Variants in ARHGEF7 observed in about 807,000 individuals in gnomAD.
The protein encoded by ARHGEF7 is PAK-interacting exchange factor beta.
In ARHGEF7, 33 loss-of-function variants were observed where a neutral mutation model predicts 109.8. The ratio of observed to expected loss-of-function variants is 0.30; its 90% CI spans 0.23 to 0.40. ARHGEF7 has a LOEUF of 0.40. ARHGEF7 is among the 10% of genes least tolerant of loss of function. ARHGEF7 has a pLI of 1.00. For synonymous variants in ARHGEF7, 458 were observed against 424.6 expected (o/e 1.08, Z -0.97); for missense variants, 938 against 1,098.5 (o/e 0.85, Z 2.07).
intron 15 of ARHGEF7, among the ~76,000 whole-genome samples, chr13:111,281,364 G>A (rs994750478): frequency 1.3e-5 from 2 of 151,952 alleles, no homozygotes; most frequent in Non-Finnish European, 2.9e-5. Context: ...AATGAATGAC[G>A]ATGACACAGG....
rs1406623714 is a variant in ARHGEF7 at position 111,258,235 on chromosome 13, T to C, written c.951-9313T>C. ...TCCCACAACCACAGGCAGTGCAGCC[T>C]GCAGCTCCAGGAGAGACTCCTCCCA... On this transcript the variant is annotated intron_variant, in intron 8 of 21. Transcript: ENST00000646102. This position sits in a 1 kb window ranked among gnomAD's most constrained non-coding sequence, Gnocchi z 4.4. Among the ~76,000 whole-genome samples, 1 of 146,234 alleles carries C rather than the reference T, an allele frequency of 6.8e-6. No individual in the cohort carries two copies. Among genetic ancestry groups the C allele is most frequent in the African/African-American group, 2.6e-5 (1 of 38,412 alleles).
chr13:111,171,442 G>T (rs913431665), intron 2 of ARHGEF7, among the ~76,000 whole-genome samples: 6 of 152,154 alleles, frequency 3.9e-5, no homozygotes, highest in Admixed American at 3.3e-4. Context: ...AAAGTGAAAA[G>T]CATTAAAAAT....
At position 111,145,549 on chromosome 13, in the gene ARHGEF7, C is replaced by T. The variant is rs1457175913; in HGVS notation, c.166-8356C>T. ...GTGTTGGTAAATGTTAAACACCTGGCTGTCTGGGAGGGGTGGCCCTGGCGT... is the reference window on the plus strand; with the variant it reads ...GTGTTGGTAAATGTTAAACACCTGGTTGTCTGGGAGGGGTGGCCCTGGCGT... On this transcript the variant is annotated intron_variant, in intron 1 of 21. Transcript: ENST00000646102. This position sits in a 1 kb window ranked among gnomAD's most constrained non-coding sequence, Gnocchi z 4.3. Among the ~76,000 whole-genome samples, 1 of 152,298 alleles carries T rather than the reference C, an allele frequency of 6.6e-6. No homozygotes were observed. The highest frequency in any genetic ancestry group is 1.9e-4 in the East Asian group (1 of 5,190).
chr13:111,156,793 TAAG>T (rs1378883983), intron 2 of ARHGEF7, among the ~76,000 whole-genome samples: 1 of 152,250 alleles, frequency 6.6e-6, no homozygotes, highest in East Asian at 1.9e-4. Flanking sequence ...GGGAAATTGA[TAAG>T]AAATGTTTTG....
At chr13:111,181,646 G>A (rs1365940788) in intron 2 of ARHGEF7, among the ~76,000 whole-genome samples, 1 of 152,228 alleles carries the variant, frequency 6.6e-6, no homozygotes, top group Non-Finnish European at 1.5e-5. Context: ...CCCTGAGGGA[G>A]TATAGAGGTG....
At chr13:111,205,068 T>C (rs1183442187) in intron 2 of ARHGEF7, among the ~76,000 whole-genome samples, 1 of 151,640 alleles carries the variant, frequency 6.6e-6, no homozygotes, top group East Asian at 1.9e-4. Context: ...GGGTAGGGAA[T>C]TGGCCTAATG....
At chr13:111,179,319 G>A (rs1176593353) in intron 2 of ARHGEF7, among the ~76,000 whole-genome samples, 1 of 152,026 alleles carries the variant, frequency 6.6e-6, no homozygotes, top group Non-Finnish European at 1.5e-5. Flanking sequence ...CCTGACCTCA[G>A]GTGATCCTCC....
intron 1 of ARHGEF7, chr13:111,144,730 C>T (rs1594993446): frequency 6.6e-6 from 1 of 151,672 alleles, no homozygotes; most frequent in African/African-American, 2.4e-5. Flanking sequence ...CTATGAAGAC[C>T]CCAGCACGCT....
intron 5 of ARHGEF7, among the ~76,000 whole-genome samples, chr13:111,220,314 T>C (rs1380191178): frequency 6.6e-6 from 1 of 152,134 alleles, no homozygotes; most frequent in African/African-American, 2.4e-5. Context: ...ACCTTTGGAG[T>C]AGGGACAGAC....
chr13:111,125,980 G>A (rs2067529944), intron 1 of ARHGEF7, among the ~76,000 whole-genome samples: 1 of 152,220 alleles, frequency 6.6e-6, no homozygotes, highest in African/African-American at 2.4e-5. Flanking sequence ...GGAAGAGGGA[G>A]AGCCTCACCT....
At chr13:111,192,597 T>C (rs2080021451) in intron 2 of ARHGEF7, among the ~76,000 whole-genome samples, 1 of 152,124 alleles carries the variant, frequency 6.6e-6, no homozygotes, top group African/African-American at 2.4e-5. Context: ...CTATGGGAGA[T>C]GAGTTTCTTG....
At chr13:111,210,273 TA>T (rs1258698655) in intron 4 of ARHGEF7, among the ~76,000 whole-genome samples, 17 of 152,178 alleles carry the variant, frequency 1.1e-4, no homozygotes, top group Non-Finnish European at 1.9e-4. Flanking sequence ...GATGCTGCTT[TA>T]AAAAAACACA....
chr13:111,269,755 C>T (rs2091983981), intron 9 of ARHGEF7, among the ~76,000 whole-genome samples: 1 of 152,174 alleles, frequency 6.6e-6, no homozygotes, highest in South Asian at 2.1e-4. Flanking sequence ...CTCCCGAGGT[C>T]CCTGCACCAC....
intron 2 of ARHGEF7, among the ~76,000 whole-genome samples, chr13:111,188,483 C>T (rs1480173112): frequency 1.3e-5 from 2 of 152,212 alleles, no homozygotes; most frequent in African/African-American, 2.4e-5. Flanking sequence ...CATCCTTTCC[C>T]TGCCTGCCTT....
At chr13:111,295,884 C>A (rs1445173545) in intron 19 of ARHGEF7, among the ~76,000 whole-genome samples, 1 of 152,190 alleles carries the variant, frequency 6.6e-6, no homozygotes, top group Non-Finnish European at 1.5e-5. Context: ...GTGAATTATC[C>A]TGCACATGTC....
intron 8 of ARHGEF7, among the ~76,000 whole-genome samples, chr13:111,257,712 A>G (rs1365561089): frequency 5.3e-5 from 8 of 152,250 alleles, no homozygotes; most frequent in Non-Finnish European, 5.9e-5. Flanking sequence ...AATTGCTGAT[A>G]CTACTGCTCC....
At chr13:111,134,056 C>T (rs1328588797) in intron 1 of ARHGEF7, among the ~76,000 whole-genome samples, 4 of 148,498 alleles carry the variant, frequency 2.7e-5, no homozygotes, top group Admixed American at 1.4e-4. Flanking sequence ...GGTTTTTTGT[C>T]CTTGCGATAG....
rs1204592046 is a variant in ARHGEF7, at chr13:111,304,051, C to T, written c.*938C>T. The T allele has an allele frequency of 6.6e-6, 1 of 152,276 alleles. No homozygotes were observed. The highest frequency in any genetic ancestry group is 1.5e-5 in the Non-Finnish European group (1 of 68,050). 9.4% of individuals were successfully genotyped at this position (152,276 alleles called of 1,614,324 possible). On this transcript the variant is annotated 3_prime_UTR_variant, in exon 22 of 22. Coordinates refer to ENST00000646102, the MANE Select transcript of ARHGEF7 (RefSeq NM_001354046.2). Reference sequence around the variant, plus strand: ...ATGGAGGCCATGCTGCAGGCTGATACTGATGGGTGGAGTTTTGTCATCAGG... The same window carrying T: ...ATGGAGGCCATGCTGCAGGCTGATATTGATGGGTGGAGTTTTGTCATCAGG...
intron 19 of ARHGEF7, 178 bp downstream of exon 19, chr13:111,292,472 T>C (rs1408051102): frequency 6.9e-7 from 1 of 1,440,180 alleles, no homozygotes; most frequent in African/African-American, 1.4e-5. Flanking sequence ...CATTGTACTT[T>C]GTGGAGGCTT....
Sources: gnomAD v4.1 joint callset for allele counts (sites outside exome capture counted in the v4.1 genomes callset) on GRCh38, gnomAD v4.1.1 for gene constraint, Gnocchi (gnomAD v3.1) non-coding constraint, MANE v1.5 for transcripts, NCBI Gene and HGNC (gene_info 2026-07-23, HGNC 2026-07-21) for gene names.